FOXP2: variants seen among roughly 807,000 people sequenced by gnomAD.
FOXP2 encodes the protein forkhead box P2, also known as forkhead box protein P2.
A neutral mutation model predicts 115.8 loss-of-function variants in FOXP2; 12 were observed. The ratio of observed to expected loss-of-function variants is 0.10; its 90% CI spans 0.07 to 0.17. The LOEUF is 0.17. Among genes scored for constraint, FOXP2 ranks in the 10% least tolerant of loss-of-function variants. The pLI is 1.00. For synonymous variants in FOXP2, 328 were observed against 297.7 expected (o/e 1.10, Z -1.05); for missense variants, 629 against 843.5 (o/e 0.75, Z 3.15).
intron 1 of FOXP2, among the ~76,000 whole-genome samples, chr7:114,107,277 T>C (rs923395758): frequency 2.0e-5 from 3 of 152,028 alleles, no homozygotes; most frequent in South Asian, 2.1e-4. Flanking sequence ...CCAGTTTGTA[T>C]TGGAACTGAA....
intron 1 of FOXP2, among the ~76,000 whole-genome samples, chr7:114,123,828 G>T (rs1298940419): frequency 7.2e-5 from 11 of 151,942 alleles, no homozygotes; most frequent in Non-Finnish European, 1.5e-5. Context: ...GTAAGCATTT[G>T]GGTTTTCTAC....
intron 2 of FOXP2, chr7:114,499,318 C>T (rs1339680852): frequency 1.2e-5 from 2 of 162,228 alleles, no homozygotes; most frequent in Non-Finnish European, 2.7e-5. Flanking sequence ...AGCCTCATAA[C>T]TCTACCACCA....
intron 3 of FOXP2, among the ~76,000 whole-genome samples, chr7:114,610,908 T>A (rs958730763): frequency 1.2e-4 from 18 of 152,170 alleles, no homozygotes; most frequent in African/African-American, 4.3e-4. Flanking sequence ...TTGCTGGGAT[T>A]ATAAGCATGA....
At chr7:114,465,017 T>C (rs1414849002) in intron 2 of FOXP2, among the ~76,000 whole-genome samples, 1 of 152,242 alleles carries the variant, frequency 6.6e-6, no homozygotes, top group Non-Finnish European at 1.5e-5. Context: ...TTTCCATCTA[T>C]TTCACATTAT....
Position 114,115,564 on chromosome 7 carries a change from G to A in FOXP2, c.-247+27726G>A, listed in dbSNP as rs189060826. ...TTCTTGTCTCAGAGCCCTTATTGGAGCTTTTTCTTTGCCAGGAATATTGGC... is the reference window on the plus strand; with the variant it reads ...TTCTTGTCTCAGAGCCCTTATTGGAACTTTTTCTTTGCCAGGAATATTGGC... On this transcript the variant is annotated intron_variant, in intron 1 of 19. Coordinates refer to the FOXP2 transcript ENST00000635638. 3.0e-4 allele frequency among the ~76,000 whole-genome samples: 46 copies of A among 152,092 alleles called. No homozygotes were observed. In the East Asian group the frequency reaches 8.3e-3, roughly 28 times the overall value.
At chr7:114,608,906 AAG>A (rs1464873506) in intron 3 of FOXP2, among the ~76,000 whole-genome samples, 4 of 152,230 alleles carry the variant, frequency 2.6e-5, no homozygotes, top group Admixed American at 1.3e-4. Context: ...TATTTTTAAA[AAG>A]AAACCTTCAG....
chr7:114,312,265 C>G (rs1797165837), intron 2 of FOXP2, among the ~76,000 whole-genome samples: 1 of 152,114 alleles, frequency 6.6e-6, no homozygotes, highest in African/African-American at 2.4e-5. Context: ...GTCCTATTCT[C>G]AAGAAAACAA....
intron 2 of FOXP2, among the ~76,000 whole-genome samples, chr7:114,322,427 G>A (rs1797448909): frequency 6.6e-6 from 1 of 151,870 alleles, no homozygotes. Context: ...AAGGCAGGAG[G>A]ACTGCTTGAG....
At position 114,240,533 on chromosome 7, in the gene FOXP2, T is replaced by C. The variant is rs1795125700; in HGVS notation, c.-101-47486T>C. Among the ~76,000 whole-genome samples, 3 of 152,186 alleles carry C rather than the reference T, an allele frequency of 2.0e-5. No homozygotes were observed. The South Asian group carries it at 6.2e-4, about 32-fold the overall frequency. ...TTTTTTGTTTGTTTCTTAAAGAAGATATTCTTTATTTCATGAGTATTGTGT... is the reference window on the plus strand; with the variant it reads ...TTTTTTGTTTGTTTCTTAAAGAAGACATTCTTTATTTCATGAGTATTGTGT... On this transcript the variant is annotated intron_variant, in intron 1 of 17. Coordinates refer to the FOXP2 transcript ENST00000634411.
rs1805600892 is a variant in FOXP2 at position 114,642,643 on chromosome 7, T to C, written c.989+20T>C. ...AGACAGGTAAATCTCATGAGCTTTA[T>C]TCTATATTTATCTATTTTCAGATTT... is the stretch of plus-strand genomic sequence containing the variant. On this transcript the variant is annotated intron_variant, in intron 7 of 16. Coordinates refer to ENST00000350908, the MANE Select transcript of FOXP2 (RefSeq NM_014491.4). 2 of 1,597,870 alleles carry C rather than the reference T, an allele frequency of 1.3e-6. No individual in the cohort carries two copies. The highest frequency in any genetic ancestry group is 1.3e-5 in the African/African-American group (1 of 74,474).
At chr7:114,628,053 A>T (rs1000258180) in intron 3 of FOXP2, among the ~76,000 whole-genome samples, 1 of 152,026 alleles carries the variant, frequency 6.6e-6, no homozygotes, top group Non-Finnish European at 1.5e-5. Context: ...GAAGATGATG[A>T]TTATATTTTT....
At chr7:114,641,586 C>T (rs1805531151) in intron 6 of FOXP2, among the ~76,000 whole-genome samples, 1 of 151,942 alleles carries the variant, frequency 6.6e-6, no homozygotes, top group South Asian at 2.1e-4. Context: ...ATTGTCAAAT[C>T]TCCTATTTTT....
chr7:114,458,503 A>G (rs1292736224), intron 2 of FOXP2, among the ~76,000 whole-genome samples: 1 of 142,994 alleles, frequency 7.0e-6, no homozygotes, highest in Non-Finnish European at 1.5e-5. Context: ...ATATTTCAGT[A>G]TTTCCAATTG....
At chr7:114,150,758 G>C (rs1435708570) in intron 1 of FOXP2, among the ~76,000 whole-genome samples, 1 of 151,716 alleles carries the variant, frequency 6.6e-6, no homozygotes, top group African/African-American at 2.4e-5. Flanking sequence ...CCACTGTTGT[G>C]GTTTTCCTAG....
chr7:114,303,131 G>A (rs1796915777), intron 2 of FOXP2, among the ~76,000 whole-genome samples: 1 of 152,118 alleles, frequency 6.6e-6, no homozygotes. Flanking sequence ...TTGTTACACA[G>A]CAATAGGTAG....
chr7:114,185,657 T>G (rs1284170784), intron 1 of FOXP2, among the ~76,000 whole-genome samples: 1 of 152,048 alleles, frequency 6.6e-6, no homozygotes, highest in East Asian at 1.9e-4. Flanking sequence ...CATCCACACC[T>G]CTCCTTCAGG....
At chr7:114,215,632 A>G (rs1190725598) in intron 1 of FOXP2, among the ~76,000 whole-genome samples, 1 of 151,384 alleles carries the variant, frequency 6.6e-6, no homozygotes, top group Non-Finnish European at 1.5e-5. Flanking sequence ...TACAGTGTGT[A>G]CTTAGCATTG....
At chr7:114,593,102 T>C (rs1339004923) in intron 3 of FOXP2, among the ~76,000 whole-genome samples, 1 of 151,988 alleles carries the variant, frequency 6.6e-6, no homozygotes, top group Non-Finnish European at 1.5e-5. Flanking sequence ...TTCTTTCAGT[T>C]GTTTTTTAAA....
rs10270622 is a variant in FOXP2, at chr7:114,659,509, G to A, written c.1546-63G>A. On this transcript the variant is annotated intron_variant, in intron 12 of 16. Coordinates refer to ENST00000350908, the MANE Select transcript of FOXP2 (RefSeq NM_014491.4). ...CTTAAAGTAAGGCTTGGATGAGAAA[G>A]TGTCATCTAGTCTAGTTAGTAAACC... The A allele has an allele frequency of 1.4e-5, 22 of 1,572,348 alleles. No individual in the cohort carries two copies. In the African/African-American group the frequency reaches 2.0e-4, roughly 14 times the overall value.
Sources: gnomAD v4.1 joint callset for allele counts (sites outside exome capture counted in the v4.1 genomes callset) on GRCh38, gnomAD v4.1.1 for gene constraint, MANE v1.5 for transcripts, NCBI Gene and HGNC (gene_info 2026-07-23, HGNC 2026-07-21) for gene names.